The following CABCOCO1 variants were observed in gnomAD, a reference collection of about 807,000 sequenced individuals.
CABCOCO1 encodes ciliary-associated calcium-binding coiled-coil protein 1.
A neutral mutation model predicts 35.7 loss-of-function variants in CABCOCO1; 28 were observed. The observed-to-expected ratio is 0.78, with a 90% CI of 0.58 to 1.07. The LOEUF (loss-of-function observed/expected upper bound fraction) is 1.07, where lower values mean the gene tolerates loss of function less well. Ranked by LOEUF, CABCOCO1 falls within the 50% of genes least tolerant of loss-of-function variation. The pLI is 0.00. For missense variants in CABCOCO1, 326 were observed against 309.2 expected, an observed-to-expected ratio of 1.05 and a Z score of -0.41; for synonymous variants, 95 against 100.1, an observed-to-expected ratio of 0.95 and a Z score of 0.30.
chr10:61,677,821 T>G (rs908562009), intron 2 of CABCOCO1, among the ~76,000 whole-genome samples: 6 of 144,144 alleles, frequency 4.2e-5, no homozygotes, highest in Non-Finnish European at 7.6e-5. Context: ...GTTTTTTTTT[T>G]TTTTTTTTTT....
Position 61,680,698 on chromosome 10 carries a change from ATATGTTAT to A in CABCOCO1, c.165-444_165-437del, listed in dbSNP as rs1839752070. Among the ~76,000 whole-genome samples, 2 of 122,540 alleles carry A rather than the reference ATATGTTAT, an allele frequency of 1.6e-5. 1 individual carries two copies. The highest frequency in any genetic ancestry group is 5.9e-5 in the African/African-American group (2 of 33,614). The allele number at this position is 122,540 out of a possible 152,430, so 80.4% of individuals were successfully genotyped here. A position where few individuals can be genotyped will look rare whatever the true frequency, so the allele number is the denominator to read the frequency against. ...TATATGTTATACATGTATAACATAT[ATATGTTAT>A]ACATGTATAACATATATATTATATA... On this transcript the variant is annotated intron_variant, in intron 2 of 7. Coordinates refer to ENST00000648843, the MANE Select transcript of CABCOCO1 (RefSeq NM_001366906.2).
chr10:61,748,911 G>A lies in CABCOCO1; in HGVS notation c.553-11148G>A, dbSNP rs141230112. On this transcript the variant is annotated intron_variant, in intron 5 of 7. Transcript: ENST00000648843. Reference sequence around the variant, plus strand: ...TTTATGAAATGGATGGGTCTGATCAGGAATCAGAGCCTCGGGATGGACAAT... The same window carrying A: ...TTTATGAAATGGATGGGTCTGATCAAGAATCAGAGCCTCGGGATGGACAAT... Among the ~76,000 whole-genome samples, 365 of 152,192 alleles carry A rather than the reference G, an allele frequency of 2.4e-3. 4 individuals carry two copies. Among genetic ancestry groups the A allele is most frequent in the African/African-American group, 8.0e-3 (333 of 41,502 alleles).
At chr10:61,695,569 C>A (rs1840272788) in intron 5 of CABCOCO1, among the ~76,000 whole-genome samples, 1 of 151,900 alleles carries the variant, frequency 6.6e-6, no homozygotes. Flanking sequence ...CATACCTAAG[C>A]ATATTATAGT....
At chr10:61,706,803 G>A (rs1423995750) in intron 5 of CABCOCO1, among the ~76,000 whole-genome samples, 4 of 152,176 alleles carry the variant, frequency 2.6e-5, no homozygotes, top group Non-Finnish European at 5.9e-5. Flanking sequence ...ATCACTACAT[G>A]TTGGGTGCAT....
At chr10:61,730,263 A>G (rs1841271441) in intron 5 of CABCOCO1, among the ~76,000 whole-genome samples, 1 of 152,102 alleles carries the variant, frequency 6.6e-6, no homozygotes, top group South Asian at 2.1e-4. Context: ...TATCATGACA[A>G]AAAGTAAAGA....
At position 61,672,695 on chromosome 10, in the gene CABCOCO1, A is replaced by AT; in HGVS notation, c.125dup (p.Thr43HisfsTer2). 1.0e-6 allele frequency: 1 copy of AT among 985,372 alleles called. No individual in the cohort carries two copies. The highest frequency in any genetic ancestry group is 1.2e-6 in the Non-Finnish European group (1 of 829,872). 61.0% of individuals were successfully genotyped at this position (985,372 alleles called of 1,614,324 possible). Reference sequence around the variant, plus strand: ...TCCGGATTTTCTTTCAGTTGCCCAAATCACTGATTTGTTAATGGAGGACAT... The same window carrying AT: ...TCCGGATTTTCTTTCAGTTGCCCAAATTCACTGATTTGTTAATGGAGGACAT... On this transcript the variant is annotated frameshift_variant, in exon 2 of 8. Transcript: ENST00000648843. LOFTEE classifies it high-confidence loss of function.
At chr10:61,724,801 A>G (rs1449676236) in intron 5 of CABCOCO1, among the ~76,000 whole-genome samples, 2 of 152,200 alleles carry the variant, frequency 1.3e-5, no homozygotes, top group Non-Finnish European at 1.5e-5. Flanking sequence ...CATCAATAAG[A>G]GAAAGGAAAA....
intron 1 of CABCOCO1, among the ~76,000 whole-genome samples, chr10:61,668,513 T>C (rs940992532): frequency 6.6e-6 from 1 of 151,984 alleles, no homozygotes; most frequent in African/African-American, 2.4e-5. Context: ...ATCAGATCAA[T>C]TTTCTCGTCC....
intron 5 of CABCOCO1, among the ~76,000 whole-genome samples, chr10:61,710,871 G>C (rs926230347): frequency 6.6e-6 from 1 of 151,842 alleles, no homozygotes; most frequent in Non-Finnish European, 1.5e-5. Context: ...CTGATACTCT[G>C]TGACAGCTTT....
At chr10:61,720,437 A>C (rs1206916178) in intron 5 of CABCOCO1, among the ~76,000 whole-genome samples, 1 of 152,238 alleles carries the variant, frequency 6.6e-6, no homozygotes, top group Admixed American at 6.5e-5. Flanking sequence ...ATAGGAAATG[A>C]TCTCAAATGT....
chr10:61,723,611 T>C lies in CABCOCO1; in HGVS notation c.552+32990T>C, dbSNP rs555953651. Among the ~76,000 whole-genome samples, 158 of 152,272 alleles carry C rather than the reference T, an allele frequency of 1.0e-3. 1 individual carries two copies. The highest frequency in any genetic ancestry group is 3.6e-3 in the African/African-American group (148 of 41,548). On this transcript the variant is annotated intron_variant, in intron 5 of 7. Coordinates refer to ENST00000648843, the MANE Select transcript of CABCOCO1 (RefSeq NM_001366906.2). ...AGCCCAAGACCAGGGGCCAGCATGC[T>C]TAGCTTTTGGTAAGGGGTCTCTTTT...
chr10:61,715,356 ATTTGCTTGGC>A (rs1840836524), intron 5 of CABCOCO1, among the ~76,000 whole-genome samples: 2 of 151,146 alleles, frequency 1.3e-5, no homozygotes, highest in Admixed American at 1.3e-4. Flanking sequence ...TTTGCTTCCC[ATTTGCTTGGC>A]AGATCTTCCT....
In CABCOCO1 at chr10:61,692,746, C is replaced by T. The variant is rs146067586; in HGVS notation, c.552+2125C>T. Among the ~76,000 whole-genome samples, 133 of 152,190 alleles carry T rather than the reference C, an allele frequency of 8.7e-4. 1 individual carries two copies. The highest frequency in any genetic ancestry group is 3.0e-3 in the African/African-American group (125 of 41,556). On this transcript the variant is annotated intron_variant, in intron 5 of 7. Transcript: ENST00000648843. Reference sequence around the variant, plus strand: ...AACAAGGAACCCTTTTTGCTTCTGACTTTCATAAAAATTACTTCTTTGCAG... The same window carrying T: ...AACAAGGAACCCTTTTTGCTTCTGATTTTCATAAAAATTACTTCTTTGCAG...
intron 5 of CABCOCO1, among the ~76,000 whole-genome samples, chr10:61,726,852 G>A (rs532394119): frequency 1.7e-4 from 26 of 148,750 alleles, no homozygotes; most frequent in Non-Finnish European, 3.3e-4. Context: ...GAGGTCAGGA[G>A]TTCGAGACCA....
chr10:61,686,285 T>C (rs1264717673), intron 4 of CABCOCO1, 100 bp downstream of exon 4: 2 of 1,066,106 alleles, frequency 1.9e-6, no homozygotes, highest in Non-Finnish European at 2.6e-6. Context: ...TTCAGATATT[T>C]ACAGAATTTA....
chr10:61,716,812 C>T (rs1202807598), intron 5 of CABCOCO1, among the ~76,000 whole-genome samples: 2 of 151,974 alleles, frequency 1.3e-5, no homozygotes, highest in Non-Finnish European at 2.9e-5. Context: ...GCTTGATAAA[C>T]ATTTAATAAG....
intron 7 of CABCOCO1, among the ~76,000 whole-genome samples, chr10:61,764,834 G>A (rs576825216): frequency 4.6e-5 from 7 of 151,992 alleles, no homozygotes; most frequent in Non-Finnish European, 7.4e-5. Flanking sequence ...GCACACATAC[G>A]ATCTTTCCAG....
intron 7 of CABCOCO1, among the ~76,000 whole-genome samples, chr10:61,765,561 T>C (rs1413829608): frequency 6.6e-6 from 1 of 152,202 alleles, no homozygotes; most frequent in Non-Finnish European, 1.5e-5. Flanking sequence ...CAGACATCCA[T>C]TGCAGATGGT....
At chr10:61,689,361 G>A (rs1416592881) in intron 4 of CABCOCO1, among the ~76,000 whole-genome samples, 2 of 152,222 alleles carry the variant, frequency 1.3e-5, no homozygotes, top group African/African-American at 4.8e-5. Flanking sequence ...TCAAAGTACT[G>A]TCAAAAGCTA....
Sources: gnomAD v4.1 joint callset for allele counts (sites outside exome capture counted in the v4.1 genomes callset) on GRCh38, gnomAD v4.1.1 for gene constraint, MANE v1.5 for transcripts, NCBI Gene and HGNC (gene_info 2026-07-23, HGNC 2026-07-21) for gene names.